TRPC7: variants seen among roughly 807,000 people sequenced by gnomAD.
TRPC7 encodes the protein short transient receptor potential channel 7.
In TRPC7, 42 loss-of-function variants were observed where a neutral mutation model predicts 90.1. The ratio of observed to expected loss-of-function variants is 0.47; its 90% CI spans 0.36 to 0.60. The LOEUF (loss-of-function observed/expected upper bound fraction) is 0.60, where lower values mean the gene tolerates loss of function less well. TRPC7 is among the 20% of genes least tolerant of loss of function. TRPC7 has a pLI of 0.00. For missense variants in TRPC7, 955 were observed against 1,112.3 expected (o/e 0.86, Z 2.01); for synonymous variants, 451 against 436.3 (o/e 1.03, Z -0.42).
At chr5:136,358,566 T>C (rs2149862994) in intron 1 of TRPC7, among the ~76,000 whole-genome samples, 1 of 152,306 alleles carries the variant, frequency 6.6e-6, no homozygotes, top group East Asian at 1.9e-4. Context: ...TCTTGGACAA[T>C]GTAAGTTACC....
intron 3 of TRPC7, among the ~76,000 whole-genome samples, chr5:136,277,260 C>T (rs1455260043): frequency 1.3e-5 from 2 of 152,226 alleles, no homozygotes; most frequent in Non-Finnish European, 2.9e-5. Flanking sequence ...CCAGCTAAAA[C>T]AGAGGGGTCT....
chr5:136,245,077 T>G (rs963380330), intron 7 of TRPC7, among the ~76,000 whole-genome samples: 1 of 152,228 alleles, frequency 6.6e-6, no homozygotes, highest in African/African-American at 2.4e-5. Context: ...AAGTTGGCTC[T>G]CTTAGTATTC....
At chr5:136,328,450 A>C in intron 2 of TRPC7, among the ~76,000 whole-genome samples, 1 of 152,194 alleles carries the variant, frequency 6.6e-6, no homozygotes, top group Non-Finnish European at 1.5e-5. Flanking sequence ...TTCAGGAAAG[A>C]TGGCTGTGCA....
At position 136,231,314 on chromosome 5, in the gene TRPC7, A is replaced by C. The variant is rs367841527; in HGVS notation, c.2040+40T>G. ...ATTGCTGAAAAAAGCAATGTAAATTAGATGAAGGAGAGCAAGCATTTTCAG... is the reference window on the plus strand; with the variant it reads ...ATTGCTGAAAAAAGCAATGTAAATTCGATGAAGGAGAGCAAGCATTTTCAG... On this transcript the variant is annotated intron_variant, in intron 8 of 11. Coordinates refer to ENST00000513104, the MANE Select transcript of TRPC7 (RefSeq NM_020389.3). 4.1e-4 allele frequency: 621 copies of C among 1,523,002 alleles called. 6 individuals are homozygous for C. In the South Asian group the frequency reaches 7.2e-3, roughly 18 times the overall value. The allele number at this position is 1,523,002 out of a possible 1,614,324, so 94.3% of individuals were successfully genotyped here. A position where few individuals can be genotyped will look rare whatever the true frequency, so the allele number is the denominator to read the frequency against.
At chr5:136,336,945 G>T (rs1580970512) in intron 2 of TRPC7, among the ~76,000 whole-genome samples, 2 of 152,146 alleles carry the variant, frequency 1.3e-5, no homozygotes, top group African/African-American at 4.8e-5. Context: ...CTTGGCCAAG[G>T]TCACACAGCA....
intron 2 of TRPC7, among the ~76,000 whole-genome samples, chr5:136,324,512 A>T (rs1296739218): frequency 6.6e-6 from 1 of 152,152 alleles, no homozygotes; most frequent in Non-Finnish European, 1.5e-5. Context: ...TTAGTTCTCA[A>T]CTATTTGAGA....
At chr5:136,337,937 T>G (rs1177043371) in intron 2 of TRPC7, among the ~76,000 whole-genome samples, 1 of 152,156 alleles carries the variant, frequency 6.6e-6, no homozygotes, top group Non-Finnish European at 1.5e-5. Flanking sequence ...TGCAGAAGGC[T>G]GGCAGCTGCA....
At chr5:136,260,163 G>C (rs1389088119) in intron 5 of TRPC7, among the ~76,000 whole-genome samples, 1 of 152,174 alleles carries the variant, frequency 6.6e-6, no homozygotes, top group Non-Finnish European at 1.5e-5. Flanking sequence ...AGAGGTGATT[G>C]GGAAAACCAG....
chr5:136,276,983 C>T (rs999371945), intron 3 of TRPC7, among the ~76,000 whole-genome samples: 5 of 152,226 alleles, frequency 3.3e-5, no homozygotes, highest in African/African-American at 1.2e-4. Context: ...AGACGCGACA[C>T]ATGCTGTGAA....
chr5:136,262,496 G>A (rs1163685544), intron 5 of TRPC7, among the ~76,000 whole-genome samples: 3 of 152,224 alleles, frequency 2.0e-5, no homozygotes, highest in Non-Finnish European at 4.4e-5. Context: ...GTGATTTGAA[G>A]GAGGAGGGGA....
chr5:136,241,641 C>T (rs189851395), intron 7 of TRPC7, among the ~76,000 whole-genome samples: 68 of 152,188 alleles, frequency 4.5e-4, no homozygotes, highest in Non-Finnish European at 8.4e-4. Context: ...CTGCAACCTC[C>T]GCCTCCCAGG....
chr5:136,300,333 C>T (rs1758333107), intron 3 of TRPC7, among the ~76,000 whole-genome samples: 1 of 152,192 alleles, frequency 6.6e-6, no homozygotes. Flanking sequence ...TATGGGGCAG[C>T]AACTCAGGCT....
In TRPC7 at chr5:136,266,007, G is replaced by A. The variant is rs149535570; in HGVS notation, c.1345+213C>T. ...ACTTAAAAAATTTCTGTCCCCCGCC[G>A]CCCCAAACATTTCCTTTCAAAATTG... On this transcript the variant is annotated intron_variant, in intron 5 of 11. Transcript: ENST00000513104. 2.0e-3 allele frequency among the ~76,000 whole-genome samples: 297 copies of A among 152,058 alleles called. 2 individuals are homozygous for A. The highest frequency in any genetic ancestry group is 0.011 in the East Asian group (58 of 5,170).
chr5:136,363,530 C>T (rs974941144), intron 1 of TRPC7, among the ~76,000 whole-genome samples: 1 of 152,170 alleles, frequency 6.6e-6, no homozygotes, highest in Middle Eastern at 3.4e-3. Context: ...CGAGTTCATA[C>T]ATTTCACCAG....
intron 11 of TRPC7, among the ~76,000 whole-genome samples, chr5:136,214,967 AAAT>A (rs1162456915): frequency 6.6e-6 from 1 of 152,200 alleles, no homozygotes; most frequent in Non-Finnish European, 1.5e-5. Flanking sequence ...CAAACAGTGA[AAAT>A]AATATAGTTG....
intron 1 of TRPC7, among the ~76,000 whole-genome samples, chr5:136,357,854 A>G (rs1760440283): frequency 6.6e-6 from 1 of 152,178 alleles, no homozygotes; most frequent in African/African-American, 2.4e-5. Flanking sequence ...AGTAATTTGT[A>G]AGTAGAAAGT....
rs1227030215 is a variant in TRPC7, at chr5:136,357,245, A to C, written c.143T>G (p.Leu48Arg). 1 of 1,613,824 alleles carries C rather than the reference A, an allele frequency of 6.2e-7. No homozygotes were observed. Among genetic ancestry groups the C allele is most frequent in the Non-Finnish European group, 8.5e-7 (1 of 1,179,970 alleles). ...GATGTTGCCATACTCAGCCGAGTCC[A>C]GGAAGCGCTCCTCCTCGGGCGTCAG... Reference protein sequence around the residue: ...TSLTPEEERFLDSAEYGNIPV... With the variant: ...TSLTPEEERFRDSAEYGNIPV... Residue 48 changes from leucine to arginine, a missense_variant, in exon 2 of 12, where the codon CTG (leucine) becomes CGG (arginine). Leu to Arg is a moderately radical substitution (Grantham distance 102, BLOSUM62 -2). Transcript: ENST00000513104.
At chr5:136,339,139 G>A (rs1759760706) in intron 2 of TRPC7, among the ~76,000 whole-genome samples, 3 of 152,188 alleles carry the variant, frequency 2.0e-5, no homozygotes, top group Admixed American at 2.0e-4. Flanking sequence ...AGGAGAAGAG[G>A]AATGTTTCTA....
chr5:136,278,752 C>T (rs1757451908), intron 3 of TRPC7, among the ~76,000 whole-genome samples: 1 of 152,142 alleles, frequency 6.6e-6, no homozygotes, highest in Admixed American at 6.6e-5. Context: ...TATGCCCTGC[C>T]TAGGCACACC....
Sources: gnomAD v4.1 joint callset for allele counts (sites outside exome capture counted in the v4.1 genomes callset) on GRCh38, gnomAD v4.1.1 for gene constraint, MANE v1.5 for transcripts, NCBI Gene and HGNC (gene_info 2026-07-23, HGNC 2026-07-21) for gene names.